Variants in SLC39A11 observed in about 807,000 individuals in gnomAD.
The protein encoded by SLC39A11 is solute carrier family 39 member 11, also known as zinc transporter ZIP11.
SLC39A11 carries 33 observed loss-of-function variants against 36.1 expected under a neutral mutation model. The observed-to-expected ratio is 0.91, with a 90% CI of 0.69 to 1.22. SLC39A11 has a LOEUF of 1.22. Among genes scored for constraint, SLC39A11 ranks in the 50% most tolerant of loss-of-function variants. SLC39A11 has a pLI of 0.00. For synonymous variants in SLC39A11, 166 were observed against 170.3 expected (o/e 0.97, Z 0.20); for missense variants, 432 against 430.3 (o/e 1.00, Z -0.03).
chr17:72,692,507 A>G (rs1598360254), intron 7 of SLC39A11, among the ~76,000 whole-genome samples: 3 of 152,312 alleles, frequency 2.0e-5, no homozygotes, highest in African/African-American at 7.2e-5. Flanking sequence ...TGGTGGCAGC[A>G]AGAGAAAATG....
intron 6 of SLC39A11, among the ~76,000 whole-genome samples, chr17:72,814,851 T>C (rs893585656): frequency 2.6e-5 from 4 of 152,154 alleles, no homozygotes; most frequent in Non-Finnish European, 5.9e-5. Flanking sequence ...AGAACAATGG[T>C]CCACACTTGA....
intron 6 of SLC39A11, among the ~76,000 whole-genome samples, chr17:72,762,721 G>C (rs1258604800): frequency 1.3e-5 from 2 of 152,126 alleles, no homozygotes; most frequent in Non-Finnish European, 2.9e-5. Flanking sequence ...TAACATCAGG[G>C]TTCCCTCATG....
chr17:72,839,214 C>A (rs1448097013), intron 6 of SLC39A11: 1 of 152,096 alleles, frequency 6.6e-6, no homozygotes, highest in East Asian at 1.9e-4. Context: ...CATTTCAGAA[C>A]TCAAGCTAAG....
chr17:73,016,632 C>T (rs1186403152), intron 4 of SLC39A11, among the ~76,000 whole-genome samples: 1 of 152,246 alleles, frequency 6.6e-6, no homozygotes, highest in African/African-American at 2.4e-5. Flanking sequence ...CCACACCTCA[C>T]TCCAATGCAC....
intron 5 of SLC39A11, among the ~76,000 whole-genome samples, chr17:72,897,009 T>A (rs987415254): frequency 3.2e-5 from 4 of 126,046 alleles, no homozygotes; most frequent in African/African-American, 9.6e-5. Flanking sequence ...GCCAAGATCA[T>A]GCCACTGCAC....
intron 6 of SLC39A11, among the ~76,000 whole-genome samples, chr17:72,798,147 A>G (rs1198404342): frequency 2.0e-5 from 3 of 152,072 alleles, no homozygotes; most frequent in African/African-American, 7.3e-5. Flanking sequence ...AGGCAACTTC[A>G]GGTTATGTGT....
At chr17:72,779,930 C>G (rs80065709) in intron 6 of SLC39A11, among the ~76,000 whole-genome samples, 5,526 of 152,244 alleles carry the variant, frequency 0.036, 135 homozygotes, top group Middle Eastern at 0.054. Flanking sequence ...GAACCCCTAT[C>G]TGTAATCCAC....
intron 3 of SLC39A11, among the ~76,000 whole-genome samples, chr17:73,051,714 C>T (rs1369721388): frequency 3.1e-3 from 2 of 640 alleles, no homozygotes; most frequent in Admixed American, 9.8e-3. Context: ...AAAAATTAGC[C>T]AGGTGTGGTG....
intron 7 of SLC39A11, among the ~76,000 whole-genome samples, chr17:72,721,833 G>T (rs1160379194): frequency 6.6e-6 from 1 of 152,028 alleles, no homozygotes; most frequent in Non-Finnish European, 1.5e-5. Context: ...AGCTGGATGT[G>T]GTGGTGCATG....
intron 4 of SLC39A11, among the ~76,000 whole-genome samples, chr17:72,962,511 G>A (rs374797255): frequency 6.6e-6 from 1 of 152,098 alleles, no homozygotes; most frequent in East Asian, 1.9e-4. Context: ...GTTCCTAGAG[G>A]CTGCCCTTGG....
chr17:72,959,325 G>GTGTGTGTATATA lies in SLC39A11; in HGVS notation c.307-11451_307-11450insTATATACACACA, dbSNP rs1436484912. 1.1e-3 allele frequency among the ~76,000 whole-genome samples: 71 copies of GTGTGTGTATATA among 65,534 alleles called. 1 individual carries two copies. The highest frequency in any genetic ancestry group is 4.5e-3 in the African/African-American group (65 of 14,530). The allele number at this position is 65,534 out of a possible 152,430, so 43.0% of individuals were successfully genotyped here. On this transcript the variant is annotated intron_variant, in intron 4 of 9. Coordinates refer to ENST00000255559, the MANE Select transcript of SLC39A11 (RefSeq NM_139177.4). Reference sequence around the variant, plus strand: ...CTGGTGTATGTATGTGTGTGTGTGTGTATATATATATATATATATATATAT... The same window carrying GTGTGTGTATATA: ...CTGGTGTATGTATGTGTGTGTGTGTGTGTGTGTATATATATATATATATATATATATATATAT...
intron 6 of SLC39A11, among the ~76,000 whole-genome samples, chr17:72,842,103 C>T (rs986442032): frequency 2.3e-5 from 1 of 43,294 alleles, no homozygotes; most frequent in African/African-American, 6.3e-5. Flanking sequence ...TGTGTGTGTG[C>T]ACGCACGCGC....
chr17:72,733,388 C>T (rs2074304612), intron 7 of SLC39A11, among the ~76,000 whole-genome samples: 1 of 152,172 alleles, frequency 6.6e-6, no homozygotes, highest in South Asian at 2.1e-4. Flanking sequence ...GTGTTTTCTG[C>T]AATGACTAGC....
At chr17:72,781,945 C>G (rs1174530692) in intron 6 of SLC39A11, among the ~76,000 whole-genome samples, 1 of 151,784 alleles carries the variant, frequency 6.6e-6, no homozygotes, top group African/African-American at 2.4e-5. Flanking sequence ...GTGGGTTGAA[C>G]TGTACCTCCC....
rs570599158 is a variant in SLC39A11, at chr17:72,678,301, T to C, written c.672-29033A>G. Among the ~76,000 whole-genome samples the C allele has an allele frequency of 1.3e-3, 191 of 152,190 alleles. 1 individual carries two copies. Among genetic ancestry groups the C allele is most frequent in the African/African-American group, 4.5e-3 (187 of 41,520 alleles). ...ATCACCATTTACAACGTGTTTTTTT[T>C]CCCCCACTGTGGGAAAATACCTTCC... On this transcript the variant is annotated intron_variant, in intron 7 of 9. Transcript: ENST00000255559.
At chr17:72,925,502 T>A (rs1360487881) in intron 5 of SLC39A11, among the ~76,000 whole-genome samples, 3 of 152,168 alleles carry the variant, frequency 2.0e-5, no homozygotes, top group African/African-American at 4.8e-5. Flanking sequence ...GATCTGCTGA[T>A]CAAGTCCCTT....
chr17:72,965,038 T>G, intron 4 of SLC39A11, among the ~76,000 whole-genome samples: 1 of 144,740 alleles, frequency 6.9e-6, no homozygotes, highest in African/African-American at 2.6e-5. Flanking sequence ...CACTCATAGG[T>G]GCGAATTGAA....
At chr17:72,838,059 G>A (rs1352183566) in intron 6 of SLC39A11, 22 of 1,134,602 alleles carry the variant, frequency 1.9e-5, no homozygotes. Flanking sequence ...TGAAGCAGGA[G>A]GTTCTCTTGA....
At chr17:72,669,207 G>T (rs963482752) in intron 7 of SLC39A11, among the ~76,000 whole-genome samples, 24 of 152,212 alleles carry the variant, frequency 1.6e-4, no homozygotes, top group African/African-American at 5.8e-4. Flanking sequence ...TCTCGAAAAT[G>T]TACGTAACTG....
Sources: allele counts gnomAD v4.1 joint callset (sites outside exome capture counted in the v4.1 genomes callset), GRCh38; gene constraint gnomAD v4.1.1; transcripts MANE v1.5; gene names NCBI Gene and HGNC (gene_info 2026-07-23, HGNC 2026-07-21).